MASTL: variants seen among roughly 807,000 people sequenced by gnomAD.
The protein encoded by MASTL is serine/threonine-protein kinase greatwall.
A neutral mutation model predicts 82.5 loss-of-function variants in MASTL; 54 were observed. The ratio of observed to expected loss-of-function variants is 0.65; its 90% CI spans 0.53 to 0.82. The LOEUF (loss-of-function observed/expected upper bound fraction) is 0.82, where lower values mean the gene tolerates loss of function less well. Among genes scored for constraint, MASTL ranks in the 40% least tolerant of loss-of-function variants. The probability of loss-of-function intolerance (pLI) is 0.00; values close to 1 mark genes in which losing one functional copy is unlikely to be tolerated. For missense variants in MASTL, 950 were observed against 1,047.8 expected (o/e 0.91, Z 1.29); for synonymous variants, 323 against 368.9 (o/e 0.88, Z 1.43).
intron 9 of MASTL, among the ~76,000 whole-genome samples, chr10:27,179,634 T>C (rs1187843633): frequency 1.3e-5 from 2 of 152,196 alleles, no homozygotes; most frequent in Non-Finnish European, 2.9e-5. Flanking sequence ...GAAATCAGTT[T>C]TACCTATATC....
intron 7 of MASTL, 105 bp downstream of exon 7, chr10:27,167,379 C>A: frequency 1.1e-6 from 1 of 948,174 alleles, no homozygotes; most frequent in Non-Finnish European, 1.6e-6. Context: ...GAAATTGTTA[C>A]ATGAATGGCA....
rs758580533 is a variant in MASTL, at chr10:27,170,461, A to G, written c.1502A>G (p.Asn501Ser). Residue 501 changes from asparagine (N) to serine (S), a missense_variant, in exon 8 of 12, where the codon AAT becomes AGT. Transcript: ENST00000375940. The stretch of plus-strand genomic sequence containing the variant: ...CTATCAGTGCACAAAAGTCAACAAA[A>G]TGACTGTGCTAATAAGGAGAACATT... ...LKLSVHKSQQ[N>S]DCANKENIVN... The G allele has an allele frequency of 3.7e-6, 6 of 1,614,152 alleles. No homozygotes were observed. Among genetic ancestry groups the G allele is most frequent in the South Asian group, 1.1e-5 (1 of 91,082 alleles).
Position 27,170,215 on chromosome 10 carries a change from G to T in MASTL, c.1256G>T (p.Gly419Val). The change falls in exon 8 of 12, where the codon GGT becomes GTT. Residue 419 changes from glycine to valine, a missense_variant. Gly to Val is a moderately radical substitution (Grantham distance 109). Transcript: ENST00000375940. ...INMDTDTSQL[G>V]FHQSNQWAVD... ...ATGGACACTGACACAAGTCAGTTAG[G>T]TTTCCATCAGTCAAATCAGTGGGCT... 1 of 1,614,094 alleles carries T rather than the reference G, an allele frequency of 6.2e-7. No individual in the cohort carries two copies. The highest frequency in any genetic ancestry group is 8.5e-7 in the Non-Finnish European group (1 of 1,180,026).
At position 27,170,441 on chromosome 10, in the gene MASTL, A is replaced by C. The variant is rs2057892104; in HGVS notation, c.1482A>C (p.Ser494=). 6.2e-7 allele frequency: 1 copy of C among 1,614,176 alleles called. No homozygotes were observed. Among genetic ancestry groups the C allele is most frequent in the Non-Finnish European group, 8.5e-7 (1 of 1,180,014 alleles). Residue 494 remains serine, a synonymous_variant, in exon 8 of 12, where the codon TCA becomes TCC. Coordinates refer to ENST00000375940, the MANE Select transcript of MASTL (RefSeq NM_001172303.3). ...TTGAAGTGCAGGACCTTAAGCTATC[A>C]GTGCACAAAAGTCAACAAAATGACT... ...LTVEVQDLKL[S]VHKSQQNDCA...
chr10:27,160,661 G>T (rs1224953855), intron 3 of MASTL, among the ~76,000 whole-genome samples: 2 of 151,712 alleles, frequency 1.3e-5, no homozygotes, highest in Non-Finnish European at 2.9e-5. Context: ...TGAGACAGGA[G>T]AACTGCTTGA....
At chr10:27,179,175 A>AGAATAGGCAT (rs2058195499) in intron 9 of MASTL, among the ~76,000 whole-genome samples, 1 of 152,210 alleles carries the variant, frequency 6.6e-6, no homozygotes, top group Non-Finnish European at 1.5e-5. Context: ...ACTAAAATTA[A>AGAATAGGCAT]CCTTTTCTTA....
At chr10:27,175,625 C>T (rs2058079244) in intron 9 of MASTL, among the ~76,000 whole-genome samples, 1 of 151,994 alleles carries the variant, frequency 6.6e-6, no homozygotes, top group Non-Finnish European at 1.5e-5. Context: ...TGCCTTTACC[C>T]TTTTTGCCCT....
At chr10:27,155,189 A>G (rs1220694171), upstream of MASTL, 2 of 546,648 alleles carry the variant, frequency 3.7e-6, no homozygotes, top group Non-Finnish European at 6.6e-6. Flanking sequence ...CTCATGAGGA[A>G]TGATGTCAGT....
At chr10:27,162,633 C>T (rs951527268) in intron 4 of MASTL, among the ~76,000 whole-genome samples, 1 of 151,904 alleles carries the variant, frequency 6.6e-6, no homozygotes, top group Non-Finnish European at 1.5e-5. Context: ...CACGACACTG[C>T]ACTCTAGCCT....
At chr10:27,167,847 C>T (rs954657127) in intron 7 of MASTL, among the ~76,000 whole-genome samples, 3 of 151,602 alleles carry the variant, frequency 2.0e-5, no homozygotes, top group Admixed American at 6.6e-5. Context: ...CCTTTTTAAA[C>T]AGTTATTAGA....
At chr10:27,182,917 G>A (rs901838669) in intron 11 of MASTL, among the ~76,000 whole-genome samples, 2 of 151,822 alleles carry the variant, frequency 1.3e-5, no homozygotes, top group Admixed American at 6.6e-5. Context: ...CCAAAATGCT[G>A]AATTACAGGT....
At chr10:27,174,473 G>A (rs916430198) in intron 9 of MASTL, among the ~76,000 whole-genome samples, 2 of 151,980 alleles carry the variant, frequency 1.3e-5, no homozygotes, top group African/African-American at 2.4e-5. Context: ...ATCTTCCTAG[G>A]GATGCTGTAG....
chr10:27,155,241 G>A, upstream of MASTL: 2 of 627,822 alleles, frequency 3.2e-6, no homozygotes, highest in Non-Finnish European at 5.5e-6. Flanking sequence ...AGGCTGCGAA[G>A]TCGGGGCTTT....
rs764732210 is a variant in MASTL at position 27,186,578 on chromosome 10, G to A, written c.*42G>A. ...TTAGTCTAGCCTTGTGTTATAGAAT[G>A]AACTTGCATAATTATATACTCCTTA... On this transcript the variant is annotated 3_prime_UTR_variant, in exon 12 of 12. Coordinates refer to ENST00000375940, the MANE Select transcript of MASTL (RefSeq NM_001172303.3). 28 of 1,521,988 alleles carry A rather than the reference G, an allele frequency of 1.8e-5. No homozygotes were observed. In the East Asian group the frequency reaches 6.3e-4, roughly 34 times the overall value. 94.3% of individuals were successfully genotyped at this position (1,521,988 alleles called of 1,614,324 possible). A position where few individuals can be genotyped will look rare whatever the true frequency, so the allele number is the denominator to read the frequency against.
Position 27,165,453 on chromosome 10 carries a change from C to T in MASTL, c.725C>T (p.Thr242Ile). 4 of 1,613,952 alleles carry T rather than the reference C, an allele frequency of 2.5e-6. No individual in the cohort carries two copies. Among genetic ancestry groups the T allele is most frequent in the Non-Finnish European group, 3.4e-6 (4 of 1,179,888 alleles). The change falls in exon 6 of 12, where the codon ACA becomes ATA. Residue 242 changes from threonine to isoleucine, a missense_variant. Transcript: ENST00000375940. Reference protein sequence around the residue: ...ANILSACLSETSQLSQGLVCP... With the variant: ...ANILSACLSEISQLSQGLVCP... ...ATCCTTTCAGCCTGTCTGTCTGAAA[C>T]ATCACAGCTTTCTCAAGGACTCGTA...
In MASTL at chr10:27,170,926, G is replaced by T. The variant is rs563122532; in HGVS notation, c.1967G>T (p.Arg656Leu). Residue 656 changes from arginine to leucine, a missense_variant, in exon 8 of 12, where the codon CGA becomes CTA. Physicochemically the swap from Arg to Leu is moderately radical, Grantham distance 102. Coordinates refer to ENST00000375940, the MANE Select transcript of MASTL (RefSeq NM_001172303.3). The part of the protein sequence containing the change: ...LASKRNAVAF[R>L]SFNSHINASN... ...TCTAAAAGAAATGCTGTTGCTTTTC[G>T]AAGTTTTAACAGTCATATTAATGCA... 12 of 1,613,952 alleles carry T rather than the reference G, an allele frequency of 7.4e-6. No individual in the cohort carries two copies. The Middle Eastern group carries it at 4.9e-4, about 66-fold the overall frequency.
At chr10:27,165,617 A>G in intron 6 of MASTL, 78 bp downstream of exon 6, 1 of 1,497,896 alleles carries the variant, frequency 6.7e-7, no homozygotes, top group Non-Finnish European at 9.2e-7. Flanking sequence ...CTGAGGCAGG[A>G]TTTCTTTCTT....
In MASTL at chr10:27,171,258, TTTA is replaced by T. The variant is rs1328828835; in HGVS notation, c.2124+181_2124+183del. On this transcript the variant is annotated intron_variant, in intron 8 of 11. Transcript: ENST00000375940. The stretch of plus-strand genomic sequence containing the variant: ...AAAAGTAAAGCTGGTAGAAATCATG[TTTA>T]TTATTTTTAGCTGTAATGCCTCCTT... Among the ~76,000 whole-genome samples the T allele has an allele frequency of 6.6e-5, 10 of 152,076 alleles. No individual in the cohort carries two copies. The South Asian group carries it at 1.0e-3, about 16-fold the overall frequency.
At position 27,155,406 on chromosome 10, in the gene MASTL, G is replaced by A. The variant is rs1312309681; in HGVS notation, c.-21G>A. The A allele has an allele frequency of 3.8e-6, 6 of 1,587,174 alleles. No homozygotes were observed. The African/African-American group carries it at 4.0e-5, about 11-fold the overall frequency. ...CTCGCGGAGGGGCAGTGTCTGCGGG[G>A]CCGCTGTATGCTGTCCAGCGATGGA... On this transcript the variant is annotated 5_prime_UTR_variant, in exon 1 of 12. Transcript: ENST00000375940.
Sources: allele counts gnomAD v4.1 joint callset (sites outside exome capture counted in the v4.1 genomes callset), GRCh38; gene constraint gnomAD v4.1.1; transcripts MANE v1.5; gene names NCBI Gene and HGNC (gene_info 2026-07-23, HGNC 2026-07-21).